TNFSF4: variants seen among roughly 807,000 people sequenced by gnomAD.
The protein encoded by TNFSF4 is tumor necrosis factor ligand superfamily member 4.
Under a neutral mutation model 7.3 loss-of-function variants are expected in TNFSF4, and 4 were observed. The observed-to-expected ratio is 0.55, with a 90% CI of 0.27 to 1.25. The LOEUF (loss-of-function observed/expected upper bound fraction) is 1.25. Among genes scored for constraint, TNFSF4 ranks in the 50% most tolerant of loss-of-function variants. The pLI is 0.12. For missense variants in TNFSF4, 181 were observed against 208.8 expected (o/e 0.87, Z 0.82); for synonymous variants, 76 against 83.7 (o/e 0.91, Z 0.50).
the TNFSF4 span, chr1:173,174,197 C>T: frequency 6.6e-6 from 1 of 152,222 alleles, no homozygotes; most frequent in Non-Finnish European, 1.5e-5. Flanking sequence ...ATGAGTTCCT[C>T]ATCTCCATCT....
At chr1:173,441,282 C>G in the TNFSF4 span, among the ~76,000 whole-genome samples, 1 of 152,062 alleles carries the variant, frequency 6.6e-6, no homozygotes, top group Non-Finnish European at 1.5e-5. Flanking sequence ...CCCCTCCCTT[C>G]TCTTTGCTTT....
the TNFSF4 span, among the ~76,000 whole-genome samples, chr1:173,375,416 A>T: frequency 4.6e-5 from 7 of 152,130 alleles, no homozygotes; most frequent in Non-Finnish European, 8.8e-5. Flanking sequence ...CTGTTTAGAG[A>T]GGGGATTGAG....
chr1:173,318,356 G>T, the TNFSF4 span, among the ~76,000 whole-genome samples: 1 of 152,082 alleles, frequency 6.6e-6, no homozygotes, highest in African/African-American at 2.4e-5. Flanking sequence ...TCCTAATGAG[G>T]TCTATTTCTC....
chr1:173,283,480 C>G, the TNFSF4 span, among the ~76,000 whole-genome samples: 3 of 152,132 alleles, frequency 2.0e-5, no homozygotes, highest in African/African-American at 7.2e-5. Context: ...GAAATGGTCT[C>G]AGTTTGGCAA....
At chr1:173,427,719 G>A in the TNFSF4 span, among the ~76,000 whole-genome samples, 1 of 152,094 alleles carries the variant, frequency 6.6e-6, no homozygotes, top group Non-Finnish European at 1.5e-5. Context: ...ATCACAGAGT[G>A]TACTTACACA....
intron 1 of TNFSF4, among the ~76,000 whole-genome samples, chr1:173,197,196 G>A (rs536988478): frequency 6.6e-6 from 1 of 152,292 alleles, no homozygotes; most frequent in East Asian, 1.9e-4. Context: ...TGAGGTTGGA[G>A]AGAAAAAGGA....
the TNFSF4 span, among the ~76,000 whole-genome samples, chr1:173,173,621 C>T: frequency 6.6e-6 from 1 of 152,244 alleles, no homozygotes; most frequent in Non-Finnish European, 1.5e-5. Context: ...AACCTTAATT[C>T]TTGACTTCTG....
chr1:173,367,887 G>C, the TNFSF4 span, among the ~76,000 whole-genome samples: 1 of 152,210 alleles, frequency 6.6e-6, no homozygotes, highest in Non-Finnish European at 1.5e-5. Flanking sequence ...AGCTGGACTT[G>C]CTGGGTTGAG....
At chr1:173,299,564 C>A in the TNFSF4 span, among the ~76,000 whole-genome samples, 1 of 151,884 alleles carries the variant, frequency 6.6e-6, no homozygotes, top group Admixed American at 6.6e-5. Flanking sequence ...AGTTTAGGAC[C>A]TCTAACTACT....
rs905970323 is a variant in TNFSF4, at chr1:173,203,369, G to T, written c.153+3655C>A. On this transcript the variant is annotated intron_variant, in intron 1 of 2. Coordinates refer to ENST00000281834, the MANE Select transcript of TNFSF4 (RefSeq NM_003326.5). ...ATGACAAGCCAAGTCAACTTCAGAT[G>T]TTAATTTTTTAATTCTCAAAGATTT... Among the ~76,000 whole-genome samples the T allele has an allele frequency of 7.2e-5, 11 of 152,124 alleles. No homozygotes were observed. In the South Asian group the frequency reaches 2.3e-3, roughly 31 times the overall value.
chr1:173,314,395 T>G, the TNFSF4 span, among the ~76,000 whole-genome samples: 1 of 152,134 alleles, frequency 6.6e-6, no homozygotes, highest in African/African-American at 2.4e-5. Context: ...TACGAAACCA[T>G]GAGAATACTT....
chr1:173,188,554 G>A lies in TNFSF4; in HGVS notation c.169C>T (p.Pro57Ser), dbSNP rs1385363795. Residue 57 changes from proline to serine, a missense_variant, in exon 2 of 3, where the codon CCT (proline) becomes TCT (serine). Transcript: ENST00000281834. ...FSALQVSHRY[P>S]RIQSIKVQFT... ...TGTACTTTGATACTTTGAATTCGAG[G>A]ATACCGATGTGATACCTGAGGGAGG... 5 of 1,612,418 alleles carry A rather than the reference G, an allele frequency of 3.1e-6. No individual in the cohort carries two copies. The highest frequency in any genetic ancestry group is 1.3e-5 in the African/African-American group (1 of 74,976).
At chr1:173,389,558 C>G in the TNFSF4 span, among the ~76,000 whole-genome samples, 2 of 152,080 alleles carry the variant, frequency 1.3e-5, no homozygotes, top group Non-Finnish European at 1.5e-5. Flanking sequence ...TACAAGCAAG[C>G]CTGACTTTAT....
At chr1:173,267,024 T>C in the TNFSF4 span, among the ~76,000 whole-genome samples, 10 of 152,332 alleles carry the variant, frequency 6.6e-5, no homozygotes, top group African/African-American at 2.4e-4. Flanking sequence ...TATACTCATA[T>C]GCTTTCCATT....
upstream of TNFSF4, among the ~76,000 whole-genome samples, chr1:173,208,507 A>C (rs1410080378): frequency 3.9e-5 from 6 of 152,222 alleles, no homozygotes; most frequent in South Asian, 4.1e-4. Context: ...CTACAGTATT[A>C]ATCAATTAAA....
At chr1:173,283,296 C>G in the TNFSF4 span, among the ~76,000 whole-genome samples, 4 of 152,072 alleles carry the variant, frequency 2.6e-5, no homozygotes, top group East Asian at 3.9e-4. Context: ...TCCTTTCCCC[C>G]CCCAAAAAAG....
the TNFSF4 span, among the ~76,000 whole-genome samples, chr1:173,256,252 C>G: frequency 6.6e-6 from 1 of 152,082 alleles, no homozygotes; most frequent in African/African-American, 2.4e-5. Flanking sequence ...AATACCATGG[C>G]CTGGGTGATT....
At chr1:173,228,481 A>G in the TNFSF4 span, among the ~76,000 whole-genome samples, 1,563 of 152,328 alleles carry the variant, frequency 0.01, 10 homozygotes, top group Non-Finnish European at 0.017. Flanking sequence ...ATGGGGACAA[A>G]ACAGAACAGA....
chr1:173,380,677 G>A, the TNFSF4 span, among the ~76,000 whole-genome samples: 2 of 151,964 alleles, frequency 1.3e-5, no homozygotes, highest in African/African-American at 4.8e-5. Context: ...TCACTCTCTC[G>A]AATGGTTCCT....
Sources: allele counts gnomAD v4.1 joint callset (sites outside exome capture counted in the v4.1 genomes callset), GRCh38; gene constraint gnomAD v4.1.1; transcripts MANE v1.5; gene names NCBI Gene and HGNC (gene_info 2026-07-23, HGNC 2026-07-21).